ULK4: variants seen among roughly 807,000 people sequenced by gnomAD.
ULK4 encodes the protein unc-51 like kinase 4, also known as inactive serine/threonine-protein kinase ULK4.
ULK4 carries 133 observed loss-of-function variants against 160.6 expected under a neutral mutation model. That is an observed-to-expected ratio of 0.83 (90% CI 0.72 to 0.96). ULK4 has a LOEUF of 0.96. ULK4 is among the 40% of genes least tolerant of loss of function. The pLI, the probability that ULK4 is intolerant of heterozygous loss-of-function variation, is 0.00. For synonymous variants in ULK4, 534 were observed against 539.8 expected, an observed-to-expected ratio of 0.99 and a Z score of 0.15; for missense variants, 1,580 against 1,499.5, an observed-to-expected ratio of 1.05 and a Z score of -0.89.
chr3:41,936,180 G>A (rs543486997), intron 3 of ULK4, among the ~76,000 whole-genome samples: 1 of 152,334 alleles, frequency 6.6e-6, no homozygotes, highest in East Asian at 1.9e-4. Flanking sequence ...TGAATGGTGA[G>A]AAGCAAGCAG....
intron 22 of ULK4, among the ~76,000 whole-genome samples, chr3:41,740,676 T>C (rs190441977): frequency 6.6e-6 from 1 of 151,984 alleles, no homozygotes; most frequent in African/African-American, 2.4e-5. Flanking sequence ...CAGAAAAACA[T>C]ATTTGCATAA....
At chr3:41,948,225 C>T (rs1463148864) in intron 2 of ULK4, among the ~76,000 whole-genome samples, 2 of 152,070 alleles carry the variant, frequency 1.3e-5, no homozygotes, top group Non-Finnish European at 2.9e-5. Flanking sequence ...TCGAGGTGGG[C>T]GGATCACTTG....
intron 22 of ULK4, among the ~76,000 whole-genome samples, chr3:41,752,110 T>C (rs889427999): frequency 2.6e-5 from 4 of 152,220 alleles, no homozygotes; most frequent in Admixed American, 6.5e-5. Flanking sequence ...AGCTCCTATA[T>C]AGAAACCAGA....
chr3:41,459,475 C>T (rs977453747), intron 33 of ULK4, among the ~76,000 whole-genome samples: 48 of 152,266 alleles, frequency 3.2e-4, no homozygotes, highest in African/African-American at 9.9e-4. Flanking sequence ...TCCCCAAACA[C>T]GATCATGCTG....
intron 32 of ULK4, among the ~76,000 whole-genome samples, chr3:41,507,886 T>C (rs1043790227): frequency 6.6e-6 from 1 of 152,088 alleles, no homozygotes; most frequent in East Asian, 1.9e-4. Flanking sequence ...ATTGTGAACA[T>C]TTGCTCCAAG....
rs1028563738 is a variant in ULK4 at position 41,626,772 on chromosome 3, C to T, written c.3072-11055G>A. ...CGATCTCCTAACCTCGTGATCCACC[C>T]GCCTCGGCCTCCCAAAGTGCTGGGA... On this transcript the variant is annotated intron_variant, in intron 30 of 36. Transcript: ENST00000301831. 1.6e-4 allele frequency among the ~76,000 whole-genome samples: 25 copies of T among 152,128 alleles called. No individual in the cohort carries two copies. The South Asian group carries it at 5.0e-3, about 30-fold the overall frequency.
intron 35 of ULK4, among the ~76,000 whole-genome samples, chr3:41,312,475 A>T (rs1034066024): frequency 1.3e-5 from 2 of 152,146 alleles, no homozygotes; most frequent in Non-Finnish European, 2.9e-5. Context: ...AAAAATGAGA[A>T]CTAAGTCATA....
chr3:41,516,469 A>G (rs932315585), intron 32 of ULK4, among the ~76,000 whole-genome samples: 4 of 152,024 alleles, frequency 2.6e-5, no homozygotes, highest in African/African-American at 9.7e-5. Flanking sequence ...TGTATCCACT[A>G]TAGTACTCCA....
rs1489640047 is a variant in ULK4 at position 41,911,595 on chromosome 3, T to C, written c.961A>G (p.Arg321Gly). ...CCACTCTTGTGCCCTTTTGCTTGTC[T>C]ACTCTGAGAGTTCTGCAAAAGCTCC... ...SKELLQNSQS[R>G]QAKGHKSGQP... Residue 321 changes from arginine (R) to glycine (G), a missense_variant, in exon 10 of 37, where the codon AGA becomes GGA. Coordinates refer to ENST00000301831, the MANE Select transcript of ULK4 (RefSeq NM_017886.4). 4 of 1,614,076 alleles carry C rather than the reference T, an allele frequency of 2.5e-6. No individual in the cohort carries two copies. Among genetic ancestry groups the C allele is most frequent in the Non-Finnish European group, 3.4e-6 (4 of 1,180,040 alleles).
chr3:41,299,670 G>C (rs540213300), intron 35 of ULK4, among the ~76,000 whole-genome samples: 1 of 152,338 alleles, frequency 6.6e-6, no homozygotes, highest in Admixed American at 6.5e-5. Flanking sequence ...CTTATGTTCT[G>C]TGATCCTTTT....
chr3:41,732,056 T>C (rs2037846663), intron 22 of ULK4, among the ~76,000 whole-genome samples: 1 of 152,072 alleles, frequency 6.6e-6, no homozygotes, highest in African/African-American at 2.4e-5. Context: ...GGAAACTGCT[T>C]CATTAGTCTG....
intron 35 of ULK4, among the ~76,000 whole-genome samples, chr3:41,368,674 A>G (rs566974604): frequency 2.6e-5 from 4 of 152,336 alleles, no homozygotes; most frequent in African/African-American, 9.6e-5. Flanking sequence ...TTAACTTAGC[A>G]TAATGTTTCC....
intron 32 of ULK4, among the ~76,000 whole-genome samples, chr3:41,534,256 A>G (rs1042780112): frequency 6.6e-6 from 1 of 152,206 alleles, no homozygotes; most frequent in African/African-American, 2.4e-5. Context: ...ATGGAGACAA[A>G]TATAACTTCT....
At position 41,300,840 on chromosome 3, in the gene ULK4, TA is replaced by T. The variant is rs1559512064; in HGVS notation, c.3679-51267del. Among the ~76,000 whole-genome samples, 34 of 22,206 alleles carry T rather than the reference TA, an allele frequency of 1.5e-3. 1 individual carries two copies. The highest frequency in any genetic ancestry group is 5.1e-3 in the African/African-American group (34 of 6,630). The allele number at this position is 22,206 out of a possible 152,430, so 14.6% of individuals were successfully genotyped here. A position where few individuals can be genotyped will look rare whatever the true frequency, so the allele number is the denominator to read the frequency against. On this transcript the variant is annotated intron_variant, in intron 35 of 36. Coordinates refer to ENST00000301831, the MANE Select transcript of ULK4 (RefSeq NM_017886.4). The stretch of plus-strand genomic sequence containing the variant: ...TAAATTTTGATCATTTTACAGATTA[TA>T]TATATATATATATATATATATATAT...
chr3:41,560,596 T>C (rs1359237891), intron 32 of ULK4, among the ~76,000 whole-genome samples: 1 of 152,236 alleles, frequency 6.6e-6, no homozygotes, highest in Non-Finnish European at 1.5e-5. Flanking sequence ...TTAAGTTGGA[T>C]TCCTAGGTAT....
chr3:41,837,102 C>A lies in ULK4; in HGVS notation c.1657-1131G>T, dbSNP rs549606794. On this transcript the variant is annotated intron_variant, in intron 17 of 36. Transcript: ENST00000301831. ...AAGCAATTTGACAATTCCACAACAT[C>A]CAAGCATGCAATCACTGGTCTCATT... is the stretch of plus-strand genomic sequence containing the variant. Among the ~76,000 whole-genome samples the A allele has an allele frequency of 6.6e-5, 10 of 152,262 alleles. No individual in the cohort carries two copies. In the South Asian group the frequency reaches 1.9e-3, roughly 28 times the overall value.
At chr3:41,320,458 A>C (rs754102637) in intron 35 of ULK4, among the ~76,000 whole-genome samples, 1 of 152,184 alleles carries the variant, frequency 6.6e-6, no homozygotes, top group South Asian at 2.1e-4. Flanking sequence ...AGTCTAGCGT[A>C]AATTCCTCCA....
chr3:41,751,710 C>T (rs1366034026), intron 22 of ULK4, among the ~76,000 whole-genome samples: 2 of 152,308 alleles, frequency 1.3e-5, no homozygotes, highest in East Asian at 3.9e-4. Flanking sequence ...TAAAGAGCTT[C>T]TGAAGCTGAG....
At chr3:41,324,835 G>A (rs559703786) in intron 35 of ULK4, among the ~76,000 whole-genome samples, 40 of 152,306 alleles carry the variant, frequency 2.6e-4, no homozygotes, top group African/African-American at 8.4e-4. Context: ...TCTTAGGAGA[G>A]TCTCTTTTGG....
Sources: allele counts gnomAD v4.1 joint callset (sites outside exome capture counted in the v4.1 genomes callset), GRCh38; gene constraint gnomAD v4.1.1; transcripts MANE v1.5; gene names NCBI Gene and HGNC (gene_info 2026-07-23, HGNC 2026-07-21).